PTPRG: variants seen among roughly 807,000 people sequenced by gnomAD.
PTPRG encodes the protein protein tyrosine phosphatase receptor type G, also known as receptor-type tyrosine-protein phosphatase gamma.
In PTPRG, 102 loss-of-function variants were observed where a neutral mutation model predicts 165.3. The ratio of observed to expected loss-of-function variants is 0.62; its 90% CI spans 0.53 to 0.73. The LOEUF (loss-of-function observed/expected upper bound fraction) is 0.73, where lower values mean the gene tolerates loss of function less well. Among genes scored for constraint, PTPRG ranks in the 30% least tolerant of loss-of-function variants. PTPRG has a pLI of 0.00. For missense variants in PTPRG, 1,866 were observed against 1,861.4 expected (o/e 1.00, Z -0.05); for synonymous variants, 675 against 669.5 (o/e 1.01, Z -0.13).
intron 5 of PTPRG, among the ~76,000 whole-genome samples, chr3:62,111,571 C>G (rs1218424258): frequency 6.6e-6 from 1 of 152,138 alleles, no homozygotes; most frequent in African/African-American, 2.4e-5. Context: ...TCATCTTAGC[C>G]TCCAAGTAGC....
chr3:61,572,414 G>A (rs1187095838), intron 1 of PTPRG, among the ~76,000 whole-genome samples: 1 of 152,158 alleles, frequency 6.6e-6, no homozygotes, highest in Admixed American at 6.5e-5. Context: ...AATGAGAAAC[G>A]AAGCTCGTTC....
intron 1 of PTPRG, among the ~76,000 whole-genome samples, chr3:61,646,020 A>G (rs997418388): frequency 5.3e-5 from 8 of 152,224 alleles, no homozygotes; most frequent in Non-Finnish European, 7.3e-5. Flanking sequence ...CCTGCTTTAT[A>G]CAGACACAAA....
intron 2 of PTPRG, among the ~76,000 whole-genome samples, chr3:61,986,146 A>T (rs915792621): frequency 1.3e-5 from 2 of 152,178 alleles, no homozygotes; most frequent in African/African-American, 4.8e-5. Flanking sequence ...TTGAATCATC[A>T]TATTAAAGAG....
At chr3:61,663,436 A>G (rs571781630) in intron 1 of PTPRG, among the ~76,000 whole-genome samples, 35 of 152,290 alleles carry the variant, frequency 2.3e-4, no homozygotes, top group Admixed American at 5.9e-4. Context: ...GTGGGGATAA[A>G]TAACCCCTAA....
chr3:61,695,089 C>CA (rs1277037128), intron 1 of PTPRG, among the ~76,000 whole-genome samples: 1 of 151,946 alleles, frequency 6.6e-6, no homozygotes, highest in Non-Finnish European at 1.5e-5. Flanking sequence ...TGGCTCACTG[C>CA]AACCTCCGCC....
In PTPRG at chr3:61,830,528, C is replaced by T. The variant is rs74571053; in HGVS notation, c.190+81546C>T. 5.1e-4 allele frequency among the ~76,000 whole-genome samples: 77 copies of T among 149,914 alleles called. No homozygotes were observed. In the East Asian group the frequency reaches 0.011, roughly 22 times the overall value. On this transcript the variant is annotated intron_variant, in intron 2 of 29. Transcript: ENST00000474889. Reference sequence around the variant, plus strand: ...TTCTCATCTTTGAATCTTCGACTTACGACTTACTTAAAACTGGTGATGGTT... The same window carrying T: ...TTCTCATCTTTGAATCTTCGACTTATGACTTACTTAAAACTGGTGATGGTT...
At chr3:62,146,850 G>T (rs960465514) in intron 6 of PTPRG, among the ~76,000 whole-genome samples, 2 of 152,148 alleles carry the variant, frequency 1.3e-5, no homozygotes, top group African/African-American at 2.4e-5. Flanking sequence ...TAGGCACTAG[G>T]CCAGATTTGG....
At chr3:62,039,839 T>C (rs201844658) in intron 4 of PTPRG, among the ~76,000 whole-genome samples, 45 of 152,008 alleles carry the variant, frequency 3.0e-4, no homozygotes, top group South Asian at 1.0e-3. Context: ...TTGCCTTTTT[T>C]CCCCCAGCCA....
chr3:62,129,087 C>T (rs940028759), intron 5 of PTPRG, among the ~76,000 whole-genome samples: 2 of 152,078 alleles, frequency 1.3e-5, no homozygotes, highest in Non-Finnish European at 1.5e-5. Flanking sequence ...CCAGTGAAGA[C>T]GATGGGAGCT....
chr3:61,978,651 G>A (rs1054481946), intron 2 of PTPRG, among the ~76,000 whole-genome samples: 47 of 152,288 alleles, frequency 3.1e-4, no homozygotes, highest in African/African-American at 9.6e-4. Context: ...CCTATGTGCT[G>A]TATTTCTGCC....
chr3:61,950,017 A>T (rs2039862534), intron 2 of PTPRG, among the ~76,000 whole-genome samples: 1 of 152,176 alleles, frequency 6.6e-6, no homozygotes, highest in South Asian at 2.1e-4. Flanking sequence ...ATGTGCTGGG[A>T]TTACAGGCAT....
chr3:61,930,536 GT>G (rs2039332452), intron 2 of PTPRG, among the ~76,000 whole-genome samples: 2 of 152,128 alleles, frequency 1.3e-5, no homozygotes, highest in Admixed American at 1.3e-4. Flanking sequence ...GTGAACAACT[GT>G]TTTCTTCATC....
chr3:62,288,133 C>A, intron 28 of PTPRG, among the ~76,000 whole-genome samples: 2 of 142,048 alleles, frequency 1.4e-5, no homozygotes, highest in Admixed American at 7.1e-5. Flanking sequence ...TGGAGCCAAA[C>A]TGTACTTAAA....
intron 1 of PTPRG, among the ~76,000 whole-genome samples, chr3:61,563,053 G>C (rs1272410812): frequency 3.9e-5 from 6 of 151,990 alleles, no homozygotes; most frequent in Non-Finnish European, 7.4e-5. Context: ...GGAGAGATCC[G>C]TGTCTCCCCT....
At chr3:62,241,669 A>G (rs923971590) in intron 14 of PTPRG, among the ~76,000 whole-genome samples, 1 of 152,118 alleles carries the variant, frequency 6.6e-6, no homozygotes, top group African/African-American at 2.4e-5. Flanking sequence ...GTATATATAT[A>G]TATCCTTTCC....
At chr3:61,830,366 T>C (rs957763388) in intron 2 of PTPRG, among the ~76,000 whole-genome samples, 1 of 152,190 alleles carries the variant, frequency 6.6e-6, no homozygotes, top group African/African-American at 2.4e-5. Flanking sequence ...AATTTAGTTG[T>C]GTAATTACAG....
chr3:62,044,188 A>G (rs1181984518), intron 4 of PTPRG, among the ~76,000 whole-genome samples: 1 of 152,182 alleles, frequency 6.6e-6, no homozygotes, highest in African/African-American at 2.4e-5. Flanking sequence ...GGCCTTTACT[A>G]ACTGAGCACT....
chr3:61,888,144 A>G (rs913414572), intron 2 of PTPRG, among the ~76,000 whole-genome samples: 1 of 152,204 alleles, frequency 6.6e-6, no homozygotes, highest in Non-Finnish European at 1.5e-5. Context: ...AGTTGAAAGA[A>G]AAGTACAAAA....
chr3:61,991,446 T>G (rs2040887287), intron 3 of PTPRG, among the ~76,000 whole-genome samples: 1 of 152,194 alleles, frequency 6.6e-6, no homozygotes, highest in African/African-American at 2.4e-5. Flanking sequence ...CCTCAGGTGA[T>G]CTCCTCGCCT....
Sources: allele counts gnomAD v4.1 joint callset (sites outside exome capture counted in the v4.1 genomes callset), GRCh38; gene constraint gnomAD v4.1.1; transcripts MANE v1.5; gene names NCBI Gene and HGNC (gene_info 2026-07-23, HGNC 2026-07-21).